Variants in ZNF718 observed in about 807,000 individuals in gnomAD.
ZNF718 encodes the protein zinc finger protein 718.
A neutral mutation model predicts 2.6 loss-of-function variants in ZNF718; 3 were observed. The observed-to-expected ratio is 1.16, with a 90% CI of 0.53 to 3.01. The LOEUF is 3.01. Among genes scored for constraint, ZNF718 ranks in the 30% most tolerant of loss-of-function variants. The pLI is 0.03. For synonymous variants in ZNF718, 135 were observed against 77.9 expected (o/e 1.73, Z -3.86); for missense variants, 468 against 230.0 (o/e 2.03, Z -6.69).
At chr4:153,184 T>G (rs944658667) in intron 3 of ZNF718, among the ~76,000 whole-genome samples, 6 of 151,222 alleles carry the variant, frequency 4.0e-5, no homozygotes, top group African/African-American at 1.2e-4. Context: ...AGACTCTCTT[T>G]CTCCAATGTG....
chr4:173,776 C>T (rs1717291831), intron 3 of ZNF718, among the ~76,000 whole-genome samples: 1 of 152,154 alleles, frequency 6.6e-6, no homozygotes, highest in Admixed American at 6.5e-5. Context: ...AGGGCCACCA[C>T]CTGCAGAGTC....
At chr4:128,944 T>C (rs1242388319) in intron 1 of ZNF718, among the ~76,000 whole-genome samples, 1 of 104,744 alleles carries the variant, frequency 9.5e-6, no homozygotes, top group Non-Finnish European at 2.1e-5. Flanking sequence ...GTCCCTACCA[T>C]CAAGGAACTT....
chr4:129,947 T>C lies in ZNF718; in HGVS notation c.4-841T>C, dbSNP rs1481854299. On this transcript the variant is annotated intron_variant, in intron 1 of 3. Coordinates refer to ENST00000510175, the MANE Select transcript of ZNF718 (RefSeq NM_001039127.6). ...GGCATACTTCTGAGCACATAGTACA[T>C]GCTCTATAAAGATTGCATTGATGCA... Among the ~76,000 whole-genome samples the C allele has an allele frequency of 1.7e-3, 177 of 105,050 alleles. 49 individuals are homozygous for C. The highest frequency in any genetic ancestry group is 5.5e-3 in the African/African-American group (168 of 30,368). 68.9% of individuals were successfully genotyped at this position (105,050 alleles called of 152,430 possible).
chr4:162,249 CAT>C lies in ZNF718; in HGVS notation c.*129_*130del, dbSNP rs1716925242. On this transcript the variant is annotated 3_prime_UTR_variant, in exon 4 of 4. Transcript: ENST00000510175. ...TAACCGCAACTCAATCTGTTCTAAACATAAGAGAAATGGTATTGGTGAGAAGC... is the reference window on the plus strand; with the variant it reads ...TAACCGCAACTCAATCTGTTCTAAACAAGAGAAATGGTATTGGTGAGAAGC... 1.8e-6 allele frequency: 1 copy of C among 544,440 alleles called. No individual in the cohort carries two copies. Among genetic ancestry groups the C allele is most frequent in the Non-Finnish European group, 3.3e-6 (1 of 301,864 alleles). 33.7% of individuals were successfully genotyped at this position (544,440 alleles called of 1,614,324 possible).
At chr4:137,840 AT>A (rs1715640028) in intron 3 of ZNF718, among the ~76,000 whole-genome samples, 1 of 151,984 alleles carries the variant, frequency 6.6e-6, no homozygotes, top group Admixed American at 6.6e-5. Context: ...GTGTTTTTAA[AT>A]TTGTTACTCA....
chr4:126,829 C>CTTT (rs568758270), intron 1 of ZNF718, among the ~76,000 whole-genome samples: 4 of 141,680 alleles, frequency 2.8e-5, no homozygotes, highest in Admixed American at 2.1e-4. Context: ...TAATTTTTCT[C>CTTT]TTTTTTTTTT....
rs1553815130 is a variant in ZNF718 at position 161,473 on chromosome 4, C to G, written c.788C>G (p.Ala263Gly). ...KPYICEKCGK[A>G]FNQSSTLNLH... is the part of the protein sequence containing the mutation. ...TACATATGTGAAAAATGTGGTAAAG[C>G]TTTTAACCAATCCTCAACCCTTAAT... The change falls in exon 4 of 4, where the codon GCT becomes GGT. Residue 263 changes from alanine to glycine, a missense_variant. By Grantham distance (60) the Ala-to-Gly change is moderately conservative. Coordinates refer to ENST00000510175, the MANE Select transcript of ZNF718 (RefSeq NM_001039127.6). The G allele has an allele frequency of 1.3e-6, 1 of 777,434 alleles. No homozygotes were observed. The highest frequency in any genetic ancestry group is 2.4e-5 in the East Asian group (1 of 41,220). 48.2% of individuals were successfully genotyped at this position (777,434 alleles called of 1,614,324 possible). A position where few individuals can be genotyped will look rare whatever the true frequency, so the allele number is the denominator to read the frequency against.
At chr4:186,231 T>C (rs1453208257) in intron 3 of ZNF718, among the ~76,000 whole-genome samples, 1 of 152,188 alleles carries the variant, frequency 6.6e-6, no homozygotes, top group African/African-American at 2.4e-5. Context: ...TTATTTCTCC[T>C]TCACTTATGA....
intron 3 of ZNF718, among the ~76,000 whole-genome samples, chr4:133,486 T>G (rs1474697237): frequency 6.6e-6 from 1 of 152,142 alleles, no homozygotes. Context: ...TTGTCTTATT[T>G]AGTAGGAAGC....
rs782469059 is a variant in ZNF718, at chr4:171,661, TC to T, written c.227-29418del. Among the ~76,000 whole-genome samples, 5 of 152,254 alleles carry T rather than the reference TC, an allele frequency of 3.3e-5. No homozygotes were observed. The East Asian group carries it at 5.8e-4, about 18-fold the overall frequency. ...TCTGAGCCAGGCATGGGATATAATC[TC>T]CTGGTGTGCGATTTGCTAAGACCAT... On this transcript the variant is annotated intron_variant and NMD_transcript_variant, in intron 3 of 4. Coordinates refer to the ZNF718 transcript ENST00000642529.
At chr4:146,276 G>T (rs1166816908) in intron 3 of ZNF718, among the ~76,000 whole-genome samples, 1 of 151,812 alleles carries the variant, frequency 6.6e-6, no homozygotes. Flanking sequence ...ATTTGTAAAG[G>T]ACAGTTTTGT....
At chr4:138,458 G>T (rs570888487) in intron 3 of ZNF718, among the ~76,000 whole-genome samples, 1 of 152,160 alleles carries the variant, frequency 6.6e-6, no homozygotes, top group African/African-American at 2.4e-5. Context: ...AAGATGATGG[G>T]ATCTTGTTCT....
intron 3 of ZNF718, among the ~76,000 whole-genome samples, chr4:172,006 A>G (rs1340323569): frequency 6.6e-6 from 1 of 152,204 alleles, no homozygotes; most frequent in African/African-American, 2.4e-5. Flanking sequence ...GATATTTTAC[A>G]TTAACTTTCT....
chr4:171,562 C>G (rs1717231357), intron 3 of ZNF718, among the ~76,000 whole-genome samples: 1 of 152,138 alleles, frequency 6.6e-6, no homozygotes, highest in Non-Finnish European at 1.5e-5. Context: ...CCTCCCCCAG[C>G]CTCACTGCCG....
chr4:196,082 C>A (rs555175873), intron 3 of ZNF718, among the ~76,000 whole-genome samples: 1 of 152,070 alleles, frequency 6.6e-6, no homozygotes, highest in African/African-American at 2.4e-5. Flanking sequence ...CTCAATTCGC[C>A]TTCAACCTGA....
At chr4:134,789 C>G (rs1329830119) in intron 3 of ZNF718, among the ~76,000 whole-genome samples, 1 of 151,792 alleles carries the variant, frequency 6.6e-6, no homozygotes, top group Non-Finnish European at 1.5e-5. Flanking sequence ...AAATGCAACA[C>G]ATATTTTTAT....
chr4:152,126 C>A (rs1716350935), intron 3 of ZNF718, among the ~76,000 whole-genome samples: 1 of 148,962 alleles, frequency 6.7e-6, no homozygotes, highest in African/African-American at 2.5e-5. Flanking sequence ...CACCTCCAGC[C>A]TTAAGGCGGT....
At chr4:146,334 A>G (rs1468203847) in intron 3 of ZNF718, among the ~76,000 whole-genome samples, 2 of 151,842 alleles carry the variant, frequency 1.3e-5, no homozygotes, top group African/African-American at 4.8e-5. Flanking sequence ...TTCTCTGTTC[A>G]TTTGCACTTT....
At chr4:141,956 T>A (rs57013142) in intron 3 of ZNF718, 84,016 of 506,756 alleles carry the variant, frequency 0.17, 8,056 homozygotes, top group Admixed American at 0.26. Flanking sequence ...GCAAGGAGGC[T>A]GAGATTATTA....
Sources: gnomAD v4.1 joint callset for allele counts (sites outside exome capture counted in the v4.1 genomes callset) on GRCh38, gnomAD v4.1.1 for gene constraint, MANE v1.5 for transcripts, NCBI Gene and HGNC (gene_info 2026-07-23, HGNC 2026-07-21) for gene names.